Variants in NFIX observed in about 807,000 individuals in gnomAD.
NFIX encodes the protein nuclear factor I X, also known as nuclear factor 1 X-type.
In NFIX, 2 loss-of-function variants were observed where a neutral mutation model predicts 53.3. The ratio of observed to expected loss-of-function variants is 0.04; its 90% CI spans 0.02 to 0.12. NFIX has a LOEUF of 0.12. Among genes scored for constraint, NFIX ranks in the 10% least tolerant of loss-of-function variants. NFIX has a pLI of 1.00. For synonymous variants in NFIX, 244 were observed against 289.0 expected, an observed-to-expected ratio of 0.84 and a Z score of 1.58; for missense variants, 310 against 674.5, an observed-to-expected ratio of 0.46 and a Z score of 5.99.
At chr19:13,019,625 T>C (rs1473854158) in intron 1 of NFIX, among the ~76,000 whole-genome samples, 1 of 152,056 alleles carries the variant, frequency 6.6e-6, no homozygotes, top group Non-Finnish European at 1.5e-5. Flanking sequence ...TTTCAGTCTT[T>C]TTCTGTTGGG....
rs1220492964 is a variant in NFIX, at chr19:13,005,956, G to A, written c.27+10092G>A. Among the ~76,000 whole-genome samples the A allele has an allele frequency of 6.6e-6, 1 of 152,222 alleles. No individual in the cohort carries two copies. The highest frequency in any genetic ancestry group is 6.5e-5 in the Admixed American group (1 of 15,280). On this transcript the variant is annotated intron_variant, in intron 1 of 10. Transcript: ENST00000592199. This position sits in a 1 kb window ranked among gnomAD's most constrained non-coding sequence, Gnocchi z 4.7. Reference sequence around the variant, plus strand: ...CTGGGCACCCAGCCGGAGCTCAAATGCTGGGGGTGCAGCCGGGAGCCTGTG... The same window carrying A: ...CTGGGCACCCAGCCGGAGCTCAAATACTGGGGGTGCAGCCGGGAGCCTGTG...
At position 13,037,233 on chromosome 19, in the gene NFIX, C is replaced by T. The variant is rs1282588990; in HGVS notation, c.559+11681C>T. Among the ~76,000 whole-genome samples the T allele has an allele frequency of 6.6e-6, 1 of 152,144 alleles. No homozygotes were observed. The highest frequency in any genetic ancestry group is 6.5e-5 in the Admixed American group (1 of 15,282). On this transcript the variant is annotated intron_variant, in intron 2 of 10. Coordinates refer to ENST00000592199, the MANE Select transcript of NFIX (RefSeq NM_001365902.3). The surrounding 1 kb of genome is among the most constrained non-coding windows in gnomAD (Gnocchi z 4.2). ...AGGGGAGCTACAGAGTCTTCCCTGT[C>T]CTTCTCTCTCCCAGGTGACCTCTAC...
At position 13,075,497 on chromosome 19, in the gene NFIX, C is replaced by T. The variant is rs75465940; in HGVS notation, c.819-38C>T. 1,051 of 1,608,678 alleles carry T rather than the reference C, an allele frequency of 6.5e-4. 9 individuals carry two copies. In the African/African-American group the frequency reaches 0.012, roughly 19 times the overall value. Reference sequence around the variant, plus strand: ...CTTGGTCACTCCCTGGAGCCTCAGCCCATCCTTGGCCCATGTGACCCTTTC... The same window carrying T: ...CTTGGTCACTCCCTGGAGCCTCAGCTCATCCTTGGCCCATGTGACCCTTTC... On this transcript the variant is annotated intron_variant, in intron 5 of 10. Transcript: ENST00000592199.
chr19:13,076,472 G>A (rs1160481987), intron 6 of NFIX, among the ~76,000 whole-genome samples: 2 of 152,208 alleles, frequency 1.3e-5, no homozygotes, highest in African/African-American at 4.8e-5. Flanking sequence ...GTGTGTGCAT[G>A]TGCATGAGCA....
In NFIX at chr19:13,006,520, C is replaced by G. The variant is rs1237609408; in HGVS notation, c.27+10656C>G. The stretch of plus-strand genomic sequence containing the variant: ...TGGGCACTGGGTATTCGCAACCCTG[C>G]TGCTCTGAGCTGGGGGATGGGGCAG... On this transcript the variant is annotated intron_variant, in intron 1 of 10. Coordinates refer to ENST00000592199, the MANE Select transcript of NFIX (RefSeq NM_001365902.3). This position sits in a 1 kb window ranked among gnomAD's most constrained non-coding sequence, Gnocchi z 5.6. Among the ~76,000 whole-genome samples the G allele has an allele frequency of 6.6e-6, 1 of 152,238 alleles. No individual in the cohort carries two copies. The highest frequency in any genetic ancestry group is 1.5e-5 in the Non-Finnish European group (1 of 68,042).
Position 13,013,414 on chromosome 19 carries a change from C to T in NFIX, c.28-11607C>T, listed in dbSNP as rs1411421448. 1.3e-5 allele frequency among the ~76,000 whole-genome samples: 2 copies of T among 152,132 alleles called. No homozygotes were observed. Among genetic ancestry groups the T allele is most frequent in the Non-Finnish European group, 2.9e-5 (2 of 68,040 alleles). On this transcript the variant is annotated intron_variant, in intron 1 of 10. Transcript: ENST00000592199. This position sits in a 1 kb window ranked among gnomAD's most constrained non-coding sequence, Gnocchi z 5.9. ...CGGTCATAAACCCGACTTCTCATCA[C>T]CCGAATTACTTAAATGAGCTTTGAT...
chr19:13,004,116 T>G (rs1055618196), intron 1 of NFIX, among the ~76,000 whole-genome samples: 32 of 152,128 alleles, frequency 2.1e-4, no homozygotes, highest in Admixed American at 2.1e-3. Context: ...TGCTATTTAG[T>G]GAGTGGAGAC....
chr19:13,016,137 G>T (rs1025966206), intron 1 of NFIX, among the ~76,000 whole-genome samples: 2 of 152,036 alleles, frequency 1.3e-5, no homozygotes, highest in Non-Finnish European at 2.9e-5. Context: ...TACCTGCCTT[G>T]CTTCAGTTAA....
rs141452511 is a variant in NFIX, at chr19:13,068,686, G to A, written c.560-4361G>A. 4.9e-4 allele frequency among the ~76,000 whole-genome samples: 74 copies of A among 152,344 alleles called. No homozygotes were observed. The highest frequency in any genetic ancestry group is 1.8e-3 in the African/African-American group (73 of 41,578). On this transcript the variant is annotated intron_variant, in intron 2 of 10. Coordinates refer to ENST00000592199, the MANE Select transcript of NFIX (RefSeq NM_001365902.3). This position sits in a 1 kb window ranked among gnomAD's most constrained non-coding sequence, Gnocchi z 4.2. Reference sequence around the variant, plus strand: ...CCGTTTCAAAGGCTTCTTCAGCAGAGCCCACTTGGGCCCATGCGGAGGGAG... The same window carrying A: ...CCGTTTCAAAGGCTTCTTCAGCAGAACCCACTTGGGCCCATGCGGAGGGAG...
intron 5 of NFIX, 70 bp from the exon 6 acceptor site, chr19:13,075,465 C>T: frequency 1.3e-6 from 2 of 1,560,678 alleles, no homozygotes; most frequent in South Asian, 2.4e-5. Context: ...GTTCTTTAGC[C>T]TGGACTCTTG....
At chr19:13,031,905 T>C (rs921524365) in intron 2 of NFIX, among the ~76,000 whole-genome samples, 1 of 152,130 alleles carries the variant, frequency 6.6e-6, no homozygotes, top group Non-Finnish European at 1.5e-5. Context: ...AGTGTCCCCT[T>C]TTCTGCCTAG....
chr19:13,015,609 C>T (rs1194765533), intron 1 of NFIX, among the ~76,000 whole-genome samples: 2 of 152,218 alleles, frequency 1.3e-5, no homozygotes, highest in Non-Finnish European at 2.9e-5. Flanking sequence ...CCCCCCATTC[C>T]CTGCCTGCCA....
intron 2 of NFIX, among the ~76,000 whole-genome samples, chr19:13,042,335 T>C: frequency 7.2e-6 from 1 of 138,558 alleles, no homozygotes; most frequent in Admixed American, 7.3e-5. Flanking sequence ...TACTGAAAAA[T>C]AAAAACATGC....
At chr19:13,003,045 A>G (rs1156509622) in intron 1 of NFIX, among the ~76,000 whole-genome samples, 1 of 152,042 alleles carries the variant, frequency 6.6e-6, no homozygotes, top group African/African-American at 2.4e-5. Flanking sequence ...ATGGGTTCCA[A>G]ATTATCCAGG....
intron 1 of NFIX, among the ~76,000 whole-genome samples, chr19:12,999,885 G>A (rs746800936): frequency 2.0e-5 from 3 of 152,172 alleles, no homozygotes; most frequent in East Asian, 1.9e-4. Context: ...TTTTCTCTCC[G>A]GCTCTGGCCC....
At position 13,094,443 on chromosome 19, in the gene NFIX, G is replaced by A. The variant is rs1041576041; in HGVS notation, c.1495-192G>A. The stretch of plus-strand genomic sequence containing the variant: ...GGGGCAGAGTCTCTGAGGGGGCGGG[G>A]TTCTCGCAGGAGGGAGGGAGAGAAT... On this transcript the variant is annotated intron_variant, in intron 10 of 10. Coordinates refer to ENST00000592199, the MANE Select transcript of NFIX (RefSeq NM_001365902.3). The surrounding 1 kb of genome is among the most constrained non-coding windows in gnomAD (Gnocchi z 4.3). Among the ~76,000 whole-genome samples the A allele has an allele frequency of 2.6e-5, 4 of 152,232 alleles. No individual in the cohort carries two copies. Among genetic ancestry groups the A allele is most frequent in the African/African-American group, 7.2e-5 (3 of 41,460 alleles).
Position 13,037,797 on chromosome 19 carries a change from G to A in NFIX, c.559+12245G>A, listed in dbSNP as rs1599762545. On this transcript the variant is annotated intron_variant, in intron 2 of 10. Coordinates refer to ENST00000592199, the MANE Select transcript of NFIX (RefSeq NM_001365902.3). This position sits in a 1 kb window ranked among gnomAD's most constrained non-coding sequence, Gnocchi z 4.2. ...TTGGCAATGTCTGTGAACACTTTTGGTTGTCACAGTTGTGGGGGGAGGGTG... is the reference window on the plus strand; with the variant it reads ...TTGGCAATGTCTGTGAACACTTTTGATTGTCACAGTTGTGGGGGGAGGGTG... Among the ~76,000 whole-genome samples the A allele has an allele frequency of 6.6e-6, 1 of 152,114 alleles. No homozygotes were observed. The highest frequency in any genetic ancestry group is 1.5e-5 in the Non-Finnish European group (1 of 68,014).
Position 13,037,811 on chromosome 19 carries a change from G to A in NFIX, c.559+12259G>A, listed in dbSNP as rs370782396. 2.6e-5 allele frequency among the ~76,000 whole-genome samples: 4 copies of A among 152,090 alleles called. No individual in the cohort carries two copies. Among genetic ancestry groups the A allele is most frequent in the Non-Finnish European group, 5.9e-5 (4 of 68,006 alleles). ...GAACACTTTTGGTTGTCACAGTTGT[G>A]GGGGGAGGGTGCTATTGGAATCTAG... On this transcript the variant is annotated intron_variant, in intron 2 of 10. Coordinates refer to ENST00000592199, the MANE Select transcript of NFIX (RefSeq NM_001365902.3). This position sits in a 1 kb window ranked among gnomAD's most constrained non-coding sequence, Gnocchi z 4.2.
At chr19:12,999,822 A>G (rs1051586907) in intron 1 of NFIX, among the ~76,000 whole-genome samples, 6 of 152,156 alleles carry the variant, frequency 3.9e-5, no homozygotes, top group Non-Finnish European at 8.8e-5. Context: ...CTGCGAAGCT[A>G]TAGCTCTCTG....
Sources: allele counts gnomAD v4.1 joint callset (sites outside exome capture counted in the v4.1 genomes callset), GRCh38; gene constraint gnomAD v4.1.1; non-coding constraint Gnocchi (gnomAD v3.1); transcripts MANE v1.5; gene names NCBI Gene and HGNC (gene_info 2026-07-23, HGNC 2026-07-21).